The following C1QTNF7 variants were observed in gnomAD, a reference collection of about 807,000 sequenced individuals.
The protein encoded by C1QTNF7 is C1q and TNF related 7.
In C1QTNF7, 15 loss-of-function variants were observed where a neutral mutation model predicts 19.6. The observed-to-expected ratio is 0.76, with a 90% CI of 0.51 to 1.18. The LOEUF (loss-of-function observed/expected upper bound fraction) is 1.18, where lower values mean the gene tolerates loss of function less well. Ranked by LOEUF, C1QTNF7 falls within the 50% of genes most tolerant of loss-of-function variation. The pLI, the probability that C1QTNF7 is intolerant of heterozygous loss-of-function variation, is 0.00. For synonymous variants in C1QTNF7, 142 were observed against 137.5 expected (o/e 1.03, Z -0.23); for missense variants, 324 against 359.7 (o/e 0.90, Z 0.80).
chr4:15,433,803 G>T (rs1712424217), intron 1 of C1QTNF7, among the ~76,000 whole-genome samples: 1 of 152,282 alleles, frequency 6.6e-6, no homozygotes, highest in African/African-American at 2.4e-5. Context: ...CTGAGGAAGG[G>T]CTTTAAAGCT....
At chr4:15,431,758 A>G (rs942375232) in intron 1 of C1QTNF7, among the ~76,000 whole-genome samples, 2 of 152,204 alleles carry the variant, frequency 1.3e-5, no homozygotes, top group Non-Finnish European at 2.9e-5. Flanking sequence ...GCCCTGCTGT[A>G]AGTGGTTGGA....
intron 1 of C1QTNF7, among the ~76,000 whole-genome samples, chr4:15,355,720 A>C (rs1254187709): frequency 6.6e-6 from 1 of 152,208 alleles, no homozygotes; most frequent in Non-Finnish European, 1.5e-5. Flanking sequence ...CATGCAAGGC[A>C]TTAACCCTGT....
intron 1 of C1QTNF7, among the ~76,000 whole-genome samples, chr4:15,389,099 G>A (rs1277519478): frequency 1.3e-5 from 2 of 152,220 alleles, no homozygotes; most frequent in South Asian, 4.1e-4. Context: ...GGATGGTGAG[G>A]ATACAGGGGA....
intron 1 of C1QTNF7, among the ~76,000 whole-genome samples, chr4:15,373,543 T>C (rs10516286): frequency 0.094 from 14,235 of 152,168 alleles, 987 homozygotes; most frequent in Admixed American, 0.2. Flanking sequence ...GTAAGTGCAA[T>C]GGGACAGGGA....
intron 1 of C1QTNF7, among the ~76,000 whole-genome samples, chr4:15,357,017 A>G (rs1717170272): frequency 6.7e-6 from 1 of 149,982 alleles, no homozygotes; most frequent in East Asian, 2.0e-4. Flanking sequence ...AGATGGATAG[A>G]TTGCAAAAAT....
At chr4:15,377,935 T>A (rs1399648321) in intron 1 of C1QTNF7, among the ~76,000 whole-genome samples, 1 of 152,196 alleles carries the variant, frequency 6.6e-6, no homozygotes, top group Non-Finnish European at 1.5e-5. Flanking sequence ...AAATTTGCAC[T>A]GAGGACTTAT....
intron 1 of C1QTNF7, chr4:15,374,419 G>A (rs1267831735): frequency 3.5e-6 from 1 of 288,204 alleles, no homozygotes; most frequent in African/African-American, 2.3e-5. Flanking sequence ...CAGACTCACT[G>A]TGCTATTTCC....
At position 15,445,541 on chromosome 4, in the gene C1QTNF7, A is replaced by G. The variant is rs1712961138; in HGVS notation, c.*2742A>G. On this transcript the variant is annotated 3_prime_UTR_variant, in exon 3 of 3. Coordinates refer to ENST00000444304, the MANE Select transcript of C1QTNF7 (RefSeq NM_031911.5). The stretch of plus-strand genomic sequence containing the variant: ...TTAATTGGTTTGAAGCCTAGAGATG[A>G]ATTTCGTTTTCAAATATCTGGTGGG... 6.6e-6 allele frequency: 1 copy of G among 152,214 alleles called. No homozygotes were observed. Among genetic ancestry groups the G allele is most frequent in the South Asian group, 2.1e-4 (1 of 4,826 alleles). The allele number at this position is 152,214 out of a possible 1,614,324, so 9.4% of individuals were successfully genotyped here. A position where few individuals can be genotyped will look rare whatever the true frequency, so the allele number is the denominator to read the frequency against.
intron 1 of C1QTNF7, among the ~76,000 whole-genome samples, chr4:15,419,040 G>C (rs1711602812): frequency 6.6e-6 from 1 of 152,192 alleles, no homozygotes; most frequent in South Asian, 2.1e-4. Context: ...TTCCAAATCT[G>C]AGATTCTGTG....
intron 1 of C1QTNF7, among the ~76,000 whole-genome samples, chr4:15,402,631 C>T (rs973214932): frequency 1.3e-5 from 2 of 152,090 alleles, no homozygotes; most frequent in Non-Finnish European, 2.9e-5. Context: ...TCTTTCATGG[C>T]AGAAGATAAA....
chr4:15,358,019 G>A (rs185194720), intron 1 of C1QTNF7: 4 of 152,332 alleles, frequency 2.6e-5, no homozygotes, highest in Admixed American at 2.0e-4. Flanking sequence ...ATACAATCAT[G>A]TCATCTGCAA....
chr4:15,431,635 T>A (rs1712313423), intron 1 of C1QTNF7, among the ~76,000 whole-genome samples: 1 of 152,208 alleles, frequency 6.6e-6, no homozygotes, highest in Admixed American at 6.5e-5. Flanking sequence ...CACCTCCCTC[T>A]TTCTTGTGTA....
chr4:15,357,744 T>C (rs188518903), intron 1 of C1QTNF7, among the ~76,000 whole-genome samples: 105 of 152,308 alleles, frequency 6.9e-4, no homozygotes, highest in African/African-American at 2.4e-3. Context: ...TTTCTTTGTG[T>C]CCTCTCTTAT....
chr4:15,393,667 G>A (rs1379572111), intron 1 of C1QTNF7, among the ~76,000 whole-genome samples: 1 of 152,162 alleles, frequency 6.6e-6, no homozygotes, highest in Non-Finnish European at 1.5e-5. Flanking sequence ...GTGACCTGGG[G>A]TAAGGGAGTT....
rs1339505233 is a variant in C1QTNF7 at position 15,435,737 on chromosome 4, G to C, written c.-7G>C. On this transcript the variant is annotated splice_region_variant and 5_prime_UTR_variant, in exon 2 of 3. Transcript: ENST00000444304. ...TACGTCTGTGTGTTTCTCTTCCAGA[G>C]CCAAAGATGTTTGTCTTGCTCTATG... The C allele has an allele frequency of 6.2e-7, 1 of 1,614,112 alleles. No homozygotes were observed. Among genetic ancestry groups the C allele is most frequent in the South Asian group, 1.1e-5 (1 of 91,078 alleles).
rs561117836 is a variant in C1QTNF7 at position 15,357,398 on chromosome 4, G to C, written c.13+17191G>C. On this transcript the variant is annotated intron_variant, in intron 1 of 2. Transcript: ENST00000295297. ...TTTTTGTCAGGTTTGTCAAAGATCA[G>C]ATTGTTGTAGATGTGTGGCATTATT... 9.8e-5 allele frequency among the ~76,000 whole-genome samples: 15 copies of C among 152,300 alleles called. No homozygotes were observed. The East Asian group carries it at 2.9e-3, about 29-fold the overall frequency.
At chr4:15,436,077 T>TA in intron 2 of C1QTNF7, 96 bp downstream of exon 2, 4 of 1,489,936 alleles carry the variant, frequency 2.7e-6, no homozygotes, top group Middle Eastern at 5.0e-4. Flanking sequence ...AATTGCTCCT[T>TA]AAACCCCTTC....
upstream of C1QTNF7, among the ~76,000 whole-genome samples, chr4:15,423,816 AC>A (rs369467719): frequency 3.9e-4 from 59 of 152,298 alleles, no homozygotes; most frequent in African/African-American, 1.3e-3. Context: ...GTTCATGCCT[AC>A]CGTTTCCCCC....
At chr4:15,374,066 G>A (rs1372479025) in intron 1 of C1QTNF7, 1 of 152,196 alleles carries the variant, frequency 6.6e-6, no homozygotes, top group Non-Finnish European at 1.5e-5. Flanking sequence ...CCAGTGATAG[G>A]TATCTTAAAA....
Sources: allele counts gnomAD v4.1 joint callset (sites outside exome capture counted in the v4.1 genomes callset), GRCh38; gene constraint gnomAD v4.1.1; transcripts MANE v1.5; gene names NCBI Gene and HGNC (gene_info 2026-07-23, HGNC 2026-07-21).